KIF1B: variants seen among roughly 807,000 people sequenced by gnomAD.
The protein encoded by KIF1B is kinesin family member 1B.
In KIF1B, 76 loss-of-function variants were observed where a neutral mutation model predicts 241.9. The ratio of observed to expected loss-of-function variants is 0.31; its 90% CI spans 0.26 to 0.38. The LOEUF is 0.38. Ranked by LOEUF, KIF1B falls within the 10% of genes least tolerant of loss-of-function variation. The pLI is 1.00. For missense variants in KIF1B, 1,622 were observed against 2,271.4 expected (o/e 0.71, Z 5.81); for synonymous variants, 750 against 796.7 (o/e 0.94, Z 0.99).
chr1:10,241,498 A>G (rs1230638807), intron 2 of KIF1B, among the ~76,000 whole-genome samples: 1 of 152,122 alleles, frequency 6.6e-6, no homozygotes, highest in African/African-American at 2.4e-5. Flanking sequence ...AGTTTTTGCT[A>G]TTGTGTATTC....
chr1:10,261,334 G>A (rs1648133266), intron 4 of KIF1B, among the ~76,000 whole-genome samples: 1 of 140,866 alleles, frequency 7.1e-6, no homozygotes, highest in South Asian at 2.3e-4. Flanking sequence ...GCAGTGGCAC[G>A]ATCTTGGCTC....
At chr1:10,275,014 A>G (rs1649025041) in intron 10 of KIF1B, 7 of 322,756 alleles carry the variant, frequency 2.2e-5, no homozygotes, top group Non-Finnish European at 3.6e-5. Context: ...TGTGTAAGAG[A>G]ATGTTCTTAT....
At chr1:10,242,969 C>G (rs1647158891) in intron 2 of KIF1B, among the ~76,000 whole-genome samples, 1 of 152,106 alleles carries the variant, frequency 6.6e-6, no homozygotes, top group Non-Finnish European at 1.5e-5. Flanking sequence ...TTTTGGCTTA[C>G]CAGAAAACTG....
At chr1:10,225,657 CA>C (rs1233355813) in intron 1 of KIF1B, among the ~76,000 whole-genome samples, 1 of 152,076 alleles carries the variant, frequency 6.6e-6, no homozygotes, top group East Asian at 1.9e-4. Context: ...AGACAAAGGA[CA>C]CAGTGGGGAA....
At chr1:10,213,287 A>T (rs750764836) in intron 1 of KIF1B, among the ~76,000 whole-genome samples, 1 of 152,132 alleles carries the variant, frequency 6.6e-6, no homozygotes, top group Admixed American at 6.6e-5. Flanking sequence ...CTCTGCTCTG[A>T]TGAGTGTTTT....
At position 10,258,691 on chromosome 1, in the gene KIF1B, C is replaced by T; in HGVS notation, c.363+19C>T. On this transcript the variant is annotated intron_variant, in intron 4 of 48. Coordinates refer to ENST00000676179, the MANE Select transcript of KIF1B (RefSeq NM_001365951.3). ...TCCACAGGTGAAAAACAAAACAAAA[C>T]AAAAATCTTCTCTTCATTATTAGTG... 1.2e-6 allele frequency: 2 copies of T among 1,611,780 alleles called. No individual in the cohort carries two copies. The highest frequency in any genetic ancestry group is 1.7e-6 in the Non-Finnish European group (2 of 1,178,126).
At chr1:10,342,191 T>C in intron 33 of KIF1B, 23 bp downstream of exon 33, 1 of 1,373,954 alleles carries the variant, frequency 7.3e-7, no homozygotes, top group Non-Finnish European at 1.0e-6. Context: ...TAAGCAAACA[T>C]TTTTGATGGT....
intron 40 of KIF1B, among the ~76,000 whole-genome samples, chr1:10,362,584 A>G (rs1056550587): frequency 2.0e-5 from 3 of 152,132 alleles, no homozygotes; most frequent in African/African-American, 4.8e-5. Context: ...TACTAATACA[A>G]TAGAAGGTAT....
At chr1:10,319,770 C>T (rs1054350912) in intron 22 of KIF1B, among the ~76,000 whole-genome samples, 1 of 152,116 alleles carries the variant, frequency 6.6e-6, no homozygotes, top group African/African-American at 2.4e-5. Context: ...TACCACTACC[C>T]CAGATGAAGA....
At chr1:10,283,006 G>C (rs961294160) in intron 15 of KIF1B, among the ~76,000 whole-genome samples, 6 of 151,974 alleles carry the variant, frequency 3.9e-5, no homozygotes, top group African/African-American at 1.5e-4. Context: ...AGGAGATCAA[G>C]ACCATCCTGG....
In KIF1B at chr1:10,255,155, G is replaced by T. The variant is rs945700005; in HGVS notation, c.107-1092G>T. Among the ~76,000 whole-genome samples, 11 of 151,858 alleles carry T rather than the reference G, an allele frequency of 7.2e-5. No individual in the cohort carries two copies. The East Asian group carries it at 1.6e-3, about 22-fold the overall frequency. On this transcript the variant is annotated intron_variant, in intron 2 of 48. Coordinates refer to ENST00000676179, the MANE Select transcript of KIF1B (RefSeq NM_001365951.3). ...GTAGAGATGGGGTTTCACCATGTTC[G>T]CCAGGCTAGTCTCGAATTCCTGACC...
intron 1 of KIF1B, among the ~76,000 whole-genome samples, chr1:10,229,748 C>G (rs1646954281): frequency 6.6e-6 from 1 of 151,310 alleles, no homozygotes. Context: ...GTAGCCCCAG[C>G]TACTCAGGAG....
chr1:10,322,666 A>G (rs1651569820), intron 24 of KIF1B, among the ~76,000 whole-genome samples: 1 of 152,198 alleles, frequency 6.6e-6, no homozygotes, highest in East Asian at 1.9e-4. Flanking sequence ...ACTAAATTCT[A>G]GTTTTAGGGA....
At chr1:10,218,124 A>G (rs1197965808) in intron 1 of KIF1B, among the ~76,000 whole-genome samples, 2 of 152,012 alleles carry the variant, frequency 1.3e-5, no homozygotes, top group African/African-American at 4.8e-5. Context: ...CCAGGCTCTG[A>G]CAGTGTCATG....
rs1239488813 is a variant in KIF1B, at chr1:10,376,722, C to T, written c.*135C>T. 1.0e-5 allele frequency: 9 copies of T among 873,970 alleles called. No individual in the cohort carries two copies. Among genetic ancestry groups the T allele is most frequent in the Non-Finnish European group, 1.7e-5 (9 of 523,060 alleles). The allele number at this position is 873,970 out of a possible 1,614,324, so 54.1% of individuals were successfully genotyped here. ...ACTACTTCTCCCTCCTTGTCCAGCA[C>T]TTTTCTAGCTCTCCCGTTCCCCATC... On this transcript the variant is annotated 3_prime_UTR_variant, in exon 49 of 49. Transcript: ENST00000676179.
At chr1:10,238,043 G>T (rs1364946534) in intron 2 of KIF1B, among the ~76,000 whole-genome samples, 2 of 151,982 alleles carry the variant, frequency 1.3e-5, no homozygotes, top group African/African-American at 4.8e-5. Context: ...AATTTGGGAT[G>T]GAGGAAGGGC....
chr1:10,365,241 A>T lies in KIF1B; in HGVS notation c.4508A>T (p.His1503Leu), dbSNP rs1224742258. The change falls in exon 42 of 49, where the codon CAT (histidine) becomes CTT (leucine). Residue 1503 changes from histidine (H) to leucine (L), a missense_variant. By Grantham distance (99) the His-to-Leu change is moderately conservative. This residue lies in a region of KIF1B where 357 missense variants were observed against 409.0 expected (regional missense o/e 0.87). Transcript: ENST00000676179. The surrounding 1 kb of genome is among the most constrained non-coding windows in gnomAD (Gnocchi z 4.0). ...GAGCTGGAGAAGCTGGAGCTCCTAC[A>T]TGAGGTATCCAGGGGCAGGGTTGTT... is the stretch of plus-strand genomic sequence containing the variant. ...QWELEKLELL[H>L]EVEKTRHFLL... 6.2e-7 allele frequency: 1 copy of T among 1,614,066 alleles called. No homozygotes were observed. Among genetic ancestry groups the T allele is most frequent in the Admixed American group, 1.7e-5 (1 of 59,998 alleles).
intron 1 of KIF1B, among the ~76,000 whole-genome samples, chr1:10,229,866 TC>T (rs1557650896): frequency 8.6e-5 from 2 of 23,384 alleles, no homozygotes; most frequent in Admixed American, 6.8e-4. Flanking sequence ...AGACTCCGTC[TC>T]AAAAAAAAAA....
At chr1:10,255,459 G>A (rs1647720263) in intron 2 of KIF1B, among the ~76,000 whole-genome samples, 1 of 152,028 alleles carries the variant, frequency 6.6e-6, no homozygotes, top group South Asian at 2.1e-4. Flanking sequence ...TTGTAGTGGT[G>A]GATGCCAGTA....
Sources: allele counts gnomAD v4.1 joint callset (sites outside exome capture counted in the v4.1 genomes callset), GRCh38; gene constraint gnomAD v4.1.1; regional missense constraint gnomAD v4.1.1; non-coding constraint Gnocchi (gnomAD v3.1); transcripts MANE v1.5; gene names NCBI Gene and HGNC (gene_info 2026-07-23, HGNC 2026-07-21).